The following STAB2 variants were observed in gnomAD, a reference collection of about 807,000 sequenced individuals.
STAB2 encodes the protein stabilin-2.
In STAB2, 288 loss-of-function variants were observed where a neutral mutation model predicts 338.1. The ratio of observed to expected loss-of-function variants is 0.85; its 90% confidence interval spans 0.77 to 0.94. The LOEUF is 0.94. STAB2 is among the 40% of genes least tolerant of loss of function. The probability of loss-of-function intolerance (pLI) is 0.00; values close to 1 mark genes in which losing one functional copy is unlikely to be tolerated. For synonymous variants in STAB2, 1,202 were observed against 1,193.3 expected, an observed-to-expected ratio of 1.01 and a Z score of -0.15; for missense variants, 3,141 against 3,210.1, an observed-to-expected ratio of 0.98 and a Z score of 0.52.
chr12:103,690,280 AACT>A, intron 29 of STAB2, 141 bp from the exon 30 acceptor site: 1 of 761,004 alleles, frequency 1.3e-6, no homozygotes, highest in South Asian at 1.9e-5. Flanking sequence ...TTGAGTAACT[AACT>A]CTAGCCAAGG....
intron 46 of STAB2, among the ~76,000 whole-genome samples, chr12:103,726,492 AAAAT>A (rs1283511241): frequency 5.3e-5 from 8 of 152,336 alleles, no homozygotes; most frequent in East Asian, 1.9e-4. Flanking sequence ...CACTGTCTCA[AAAAT>A]AAATAAAGAG....
chr12:103,718,191 C>T (rs551227066), intron 44 of STAB2, among the ~76,000 whole-genome samples: 1 of 152,190 alleles, frequency 6.6e-6, no homozygotes, highest in South Asian at 2.1e-4. Context: ...CTCACAGCAA[C>T]TTTCCACTCC....
At position 103,733,081 on chromosome 12, in the gene STAB2, C is replaced by T. The variant is rs199570051; in HGVS notation, c.5359C>T (p.Leu1787Phe). Reference protein sequence around the residue: ...VTLFWPTDQALHALPAEQQDF... With the variant: ...VTLFWPTDQAFHALPAEQQDF... ...TCTCTTCTGGCCCACCGACCAAGCC[C>T]TCCATGCCCTACCTGCTGAACAACA... Residue 1787 changes from leucine to phenylalanine, a missense_variant, in exon 51 of 69, where the codon CTC (leucine) becomes TTC (phenylalanine). Physicochemically the swap from Leu to Phe is conservative, Grantham distance 22. Coordinates refer to ENST00000388887, the MANE Select transcript of STAB2 (RefSeq NM_017564.10). 58 of 1,614,160 alleles carry T rather than the reference C, an allele frequency of 3.6e-5. No homozygotes were observed. The East Asian group carries it at 1.2e-3, about 32-fold the overall frequency.
intron 65 of STAB2, 99 bp from the exon 66 acceptor site, chr12:103,761,201 C>A: frequency 1.8e-6 from 2 of 1,099,934 alleles, no homozygotes; most frequent in African/African-American, 1.5e-5. Context: ...AAACCTGAAA[C>A]ATGGGCTCAG....
At position 103,660,711 on chromosome 12, in the gene STAB2, C is replaced by T. The variant is rs1220368367; in HGVS notation, c.1817C>T (p.Pro606Leu). 6.2e-7 allele frequency: 1 copy of T among 1,614,110 alleles called. No homozygotes were observed. Among genetic ancestry groups the T allele is most frequent in the South Asian group, 1.1e-5 (1 of 91,052 alleles). The part of the protein sequence containing the change: ...QLEVATLIST[P>L]HIRSMANQLI... ...GAAGTGGCCACTCTCATCTCCACCC[C>T]TCACATCAGGAGCATGGCCAACCAG... The change falls in exon 17 of 69, where the codon CCT becomes CTT. Residue 606 changes from proline to leucine, a missense_variant. Transcript: ENST00000388887.
At chr12:103,739,572 T>TGTGTGTGTGTGTGTGCGC (rs373686630) in intron 54 of STAB2, 104 bp downstream of exon 54, 10 of 735,818 alleles carry the variant, frequency 1.4e-5, no homozygotes, top group Non-Finnish European at 1.6e-5. Context: ...TGTGTGTGTG[T>TGTGTGTGTGTGTGTGCGC]GCCCGTGCAC....
intron 17 of STAB2, among the ~76,000 whole-genome samples, chr12:103,661,871 G>A (rs1874650531): frequency 6.6e-6 from 1 of 152,142 alleles, no homozygotes; most frequent in Non-Finnish European, 1.5e-5. Context: ...AGGAAAGGAG[G>A]CTGGGCAAGA....
At chr12:103,743,241 C>T (rs957372645) in intron 56 of STAB2, among the ~76,000 whole-genome samples, 29 of 151,926 alleles carry the variant, frequency 1.9e-4, no homozygotes, top group Admixed American at 2.6e-4. Flanking sequence ...AGGCTGGTCT[C>T]AAACTCCCGA....
chr12:103,615,474 C>T (rs11111680), intron 3 of STAB2, among the ~76,000 whole-genome samples: 8,462 of 152,154 alleles, frequency 0.056, 277 homozygotes, highest in Non-Finnish European at 0.081. Flanking sequence ...AGGAGTGGGC[C>T]TGCCCTGGCA....
At chr12:103,635,060 A>G (rs574613208) in intron 6 of STAB2, among the ~76,000 whole-genome samples, 7 of 152,334 alleles carry the variant, frequency 4.6e-5, no homozygotes, top group African/African-American at 1.7e-4. Context: ...TCAACTAGCC[A>G]CTGTTGGGAG....
At chr12:103,620,616 C>A (rs1048106886) in intron 4 of STAB2, 63 bp downstream of exon 4, 10 of 1,245,782 alleles carry the variant, frequency 8.0e-6, no homozygotes, top group African/African-American at 4.9e-5. Context: ...ACCTGTTGAT[C>A]CTCCTTAAAC....
At position 103,673,917 on chromosome 12, in the gene STAB2, C is replaced by A. The variant is rs747354857; in HGVS notation, c.2382C>A (p.Cys794Ter). The A allele has an allele frequency of 6.2e-6, 10 of 1,611,418 alleles. No homozygotes were observed. The highest frequency in any genetic ancestry group is 1.7e-5 in the Admixed American group (1 of 59,966). Residue 794 changes from cysteine to a stop codon, truncating the protein, a stop_gained, in exon 23 of 69, where the codon TGC (cysteine) becomes TGA (stop). Transcript: ENST00000388887. LOFTEE classifies it high-confidence loss of function. ...CTCCTCCTCTTTCAGAATGCCTGTG[C>A]GTTCACGGAACATGCAATAACAGGA... ...YGPRCNKKCL[C>*]VHGTCNNRID...
At chr12:103,688,723 A>T (rs1877655563) in intron 28 of STAB2, among the ~76,000 whole-genome samples, 1 of 152,172 alleles carries the variant, frequency 6.6e-6, no homozygotes, top group Non-Finnish European at 1.5e-5. Flanking sequence ...TTGCTTCTGT[A>T]TGGGGCCTCT....
intron 3 of STAB2, among the ~76,000 whole-genome samples, chr12:103,617,897 G>C (rs1001562913): frequency 6.6e-5 from 10 of 152,172 alleles, no homozygotes; most frequent in African/African-American, 1.7e-4. Context: ...ATCAAAATGG[G>C]CAATTTAGAC....
intron 28 of STAB2, 52 bp downstream of exon 28, chr12:103,688,267 T>C (rs1209474137): frequency 6.4e-7 from 1 of 1,565,656 alleles, no homozygotes; most frequent in Non-Finnish European, 8.8e-7. Context: ...TTTTAGAAAC[T>C]TGGAATGCAT....
At chr12:103,598,145 C>T (rs962079289) in intron 3 of STAB2, among the ~76,000 whole-genome samples, 1 of 152,138 alleles carries the variant, frequency 6.6e-6, no homozygotes, top group Non-Finnish European at 1.5e-5. Context: ...ACATATTTCA[C>T]TTCAGTTTCC....
intron 6 of STAB2, among the ~76,000 whole-genome samples, chr12:103,633,011 G>T (rs549624405): frequency 1.3e-5 from 2 of 152,344 alleles, no homozygotes; most frequent in East Asian, 3.9e-4. Flanking sequence ...AGCGGTGGTA[G>T]TAACAGGATG....
intron 34 of STAB2, among the ~76,000 whole-genome samples, chr12:103,700,379 T>C (rs547195956): frequency 2.0e-5 from 3 of 152,376 alleles, no homozygotes; most frequent in South Asian, 2.1e-4. Context: ...TTCTAAAAAG[T>C]ATAATTTTAA....
chr12:103,668,926 C>T, intron 20 of STAB2, 197 bp downstream of exon 20: 1 of 560,740 alleles, frequency 1.8e-6, no homozygotes. Flanking sequence ...CCCATGGTTC[C>T]CTACCCTCTT....
Sources: allele counts gnomAD v4.1 joint callset (sites outside exome capture counted in the v4.1 genomes callset), GRCh38; gene constraint gnomAD v4.1.1; transcripts MANE v1.5; gene names NCBI Gene and HGNC (gene_info 2026-07-23, HGNC 2026-07-21).